The following WDFY2 variants were observed in gnomAD, a reference collection of about 807,000 sequenced individuals.
The protein encoded by WDFY2 is WD repeat and FYVE domain containing 2.
In WDFY2, 36 loss-of-function variants were observed where a neutral mutation model predicts 56.4. The ratio of observed to expected loss-of-function variants is 0.64; its 90% confidence interval spans 0.49 to 0.84. WDFY2 has a LOEUF of 0.84. WDFY2 is among the 40% of genes least tolerant of loss of function. WDFY2 has a pLI of 0.00. For synonymous variants in WDFY2, 176 were observed against 183.7 expected (o/e 0.96, Z 0.34); for missense variants, 444 against 512.2 (o/e 0.87, Z 1.29).
chr13:51,672,476 A>G (rs368607875), intron 2 of WDFY2, among the ~76,000 whole-genome samples: 3 of 151,912 alleles, frequency 2.0e-5, no homozygotes, highest in African/African-American at 7.3e-5. Flanking sequence ...AAGTCGGGTA[A>G]TGTGATTCCT....
At chr13:51,614,278 C>G (rs1954565604) in intron 1 of WDFY2, among the ~76,000 whole-genome samples, 1 of 151,490 alleles carries the variant, frequency 6.6e-6, no homozygotes. Flanking sequence ...TTATCTCAAG[C>G]TATGAAAATG....
chr13:51,742,571 AC>A (rs1343558472), intron 7 of WDFY2, among the ~76,000 whole-genome samples: 2 of 152,220 alleles, frequency 1.3e-5, no homozygotes, highest in Non-Finnish European at 2.9e-5. Flanking sequence ...TAATAACGGT[AC>A]TTGGTCTTTT....
intron 6 of WDFY2, among the ~76,000 whole-genome samples, chr13:51,731,928 G>A (rs925413781): frequency 6.6e-6 from 1 of 152,086 alleles, no homozygotes; most frequent in Admixed American, 6.5e-5. Flanking sequence ...TGAGGGAATC[G>A]ACCTAGTAGT....
At chr13:51,637,310 T>C (rs1341044870) in intron 1 of WDFY2, among the ~76,000 whole-genome samples, 3 of 152,236 alleles carry the variant, frequency 2.0e-5, no homozygotes, top group Non-Finnish European at 4.4e-5. Flanking sequence ...GAATTAAATT[T>C]CTTTGTGTTT....
chr13:51,614,645 T>G (rs1330828023), intron 1 of WDFY2, among the ~76,000 whole-genome samples: 1 of 152,184 alleles, frequency 6.6e-6, no homozygotes. Flanking sequence ...CTGTGCCTGT[T>G]CTCTTTCAAA....
At chr13:51,621,100 T>C (rs1009286140) in intron 1 of WDFY2, among the ~76,000 whole-genome samples, 3 of 152,220 alleles carry the variant, frequency 2.0e-5, no homozygotes, top group Non-Finnish European at 4.4e-5. Flanking sequence ...TGTCCTCTTC[T>C]CTCTTCCCCC....
chr13:51,713,484 A>C (rs984972889), intron 4 of WDFY2, among the ~76,000 whole-genome samples: 2 of 152,252 alleles, frequency 1.3e-5, no homozygotes, highest in Non-Finnish European at 2.9e-5. Flanking sequence ...TGGTGTATAC[A>C]TACAGTGGAA....
rs375772607 is a variant in WDFY2 at position 51,675,284 on chromosome 13, C to A, written c.279+41C>A. 4 of 1,541,750 alleles carry A rather than the reference C, an allele frequency of 2.6e-6. No homozygotes were observed. In the East Asian group the frequency reaches 9.0e-5, roughly 35 times the overall value. ...TAAGATTTCCAGTTGAAATACTTCCCTTCCTGTGGAGTATGTATATGTATT... is the reference window on the plus strand; with the variant it reads ...TAAGATTTCCAGTTGAAATACTTCCATTCCTGTGGAGTATGTATATGTATT... On this transcript the variant is annotated intron_variant, in intron 3 of 11. Coordinates refer to ENST00000298125, the MANE Select transcript of WDFY2 (RefSeq NM_052950.4).
intron 1 of WDFY2, among the ~76,000 whole-genome samples, chr13:51,596,958 G>A (rs923619940): frequency 3.9e-5 from 6 of 152,168 alleles, no homozygotes; most frequent in Non-Finnish European, 7.3e-5. Flanking sequence ...TAATTTCACA[G>A]TTCAGTGTAG....
At chr13:51,588,932 A>G (rs1953994752) in intron 1 of WDFY2, 1 of 152,186 alleles carries the variant, frequency 6.6e-6, no homozygotes, top group Non-Finnish European at 1.5e-5. Context: ...AGGAGAGATA[A>G]CTATAGAGAA....
intron 1 of WDFY2, chr13:51,585,957 A>G (rs1953929218): frequency 2.5e-6 from 1 of 398,466 alleles, no homozygotes; most frequent in Non-Finnish European, 4.4e-6. Flanking sequence ...TAGGATGAGT[A>G]TATTAATGAC....
intron 6 of WDFY2, among the ~76,000 whole-genome samples, chr13:51,733,108 T>C (rs1952759650): frequency 1.3e-5 from 2 of 152,200 alleles, no homozygotes; most frequent in Admixed American, 6.5e-5. Context: ...CGATCTCAGC[T>C]CACTGCAACC....
chr13:51,759,215 G>A (rs1266008620), intron 11 of WDFY2, among the ~76,000 whole-genome samples: 3 of 152,116 alleles, frequency 2.0e-5, no homozygotes, highest in Non-Finnish European at 2.9e-5. Context: ...GATAAACTCT[G>A]GCAGCCTCAG....
chr13:51,593,054 C>T (rs1431769878), intron 1 of WDFY2, among the ~76,000 whole-genome samples: 2 of 152,218 alleles, frequency 1.3e-5, no homozygotes, highest in Non-Finnish European at 2.9e-5. Context: ...ATATTTCCTT[C>T]TAGTAGTTTC....
At chr13:51,657,268 C>T (rs1342293255) in intron 1 of WDFY2, among the ~76,000 whole-genome samples, 2 of 152,044 alleles carry the variant, frequency 1.3e-5, no homozygotes, top group African/African-American at 4.8e-5. Flanking sequence ...TTGTTTTATG[C>T]ATATGTCTGT....
chr13:51,679,304 A>G (rs1955939184), intron 3 of WDFY2, among the ~76,000 whole-genome samples: 1 of 152,200 alleles, frequency 6.6e-6, no homozygotes, highest in African/African-American at 2.4e-5. Context: ...GGGTGGAGAG[A>G]GATATATATA....
At chr13:51,629,826 C>CTTTTTTTTTTTTTT (rs11432630) in intron 1 of WDFY2, among the ~76,000 whole-genome samples, 135 of 124,826 alleles carry the variant, frequency 1.1e-3, no homozygotes, top group Non-Finnish European at 1.3e-3. Context: ...TCTTTCTTTT[C>CTTTTTTTTTTTTTT]TTTTTTTTTT....
chr13:51,702,771 A>G (rs1433344664), intron 3 of WDFY2, among the ~76,000 whole-genome samples: 1 of 152,212 alleles, frequency 6.6e-6, no homozygotes, highest in African/African-American at 2.4e-5. Flanking sequence ...TTCTAAACTC[A>G]GATGAAGGCA....
At chr13:51,593,491 A>G (rs1049560212) in intron 1 of WDFY2, among the ~76,000 whole-genome samples, 7 of 152,168 alleles carry the variant, frequency 4.6e-5, no homozygotes, top group African/African-American at 9.6e-5. Context: ...GGTTTATGCC[A>G]CTTTAAAATG....
Sources: allele counts gnomAD v4.1 joint callset (sites outside exome capture counted in the v4.1 genomes callset), GRCh38; gene constraint gnomAD v4.1.1; transcripts MANE v1.5; gene names NCBI Gene and HGNC (gene_info 2026-07-23, HGNC 2026-07-21).